The following FCRL6 variants were observed in gnomAD, a reference collection of about 807,000 sequenced individuals.
FCRL6 encodes Fc receptor like 6, also known as Fc receptor-like protein 6.
FCRL6 carries 50 observed loss-of-function variants against 49.1 expected under a neutral mutation model. The observed-to-expected ratio is 1.02, with a 90% CI of 0.81 to 1.29. The LOEUF (loss-of-function observed/expected upper bound fraction) is 1.29, where lower values mean the gene tolerates loss of function less well. Among genes scored for constraint, FCRL6 ranks in the 50% most tolerant of loss-of-function variants. The pLI is 0.00. For synonymous variants in FCRL6, 213 were observed against 199.6 expected (o/e 1.07, Z -0.57); for missense variants, 571 against 518.5 (o/e 1.10, Z -0.98).
intron 5 of FCRL6, 99 bp downstream of exon 5, chr1:159,809,782 G>T: frequency 9.3e-7 from 1 of 1,073,042 alleles, no homozygotes; most frequent in Non-Finnish European, 1.4e-6. Context: ...CACAGTGCTG[G>T]ACTCATGGCA....
intron 4 of FCRL6, 59 bp downstream of exon 4, chr1:159,809,304 C>T (rs1662929547): frequency 3.3e-6 from 5 of 1,526,360 alleles, no homozygotes; most frequent in East Asian, 4.5e-5. Context: ...CAGTGGGATC[C>T]CCTGGGACTA....
upstream of FCRL6, among the ~76,000 whole-genome samples, chr1:159,801,679 C>A (rs148468513): frequency 9.6e-3 from 1,455 of 152,252 alleles, 5 homozygotes; most frequent in Non-Finnish European, 0.014. Flanking sequence ...TGCAGAAATT[C>A]TTATATTTCT....
chr1:159,815,353 G>A (rs1273036643), intron 8 of FCRL6, 75 bp from the exon 9 acceptor site: 2 of 1,524,490 alleles, frequency 1.3e-6, no homozygotes, highest in Admixed American at 1.8e-5. Context: ...AAGATAGCCA[G>A]CCAGGAGGGG....
At chr1:159,807,591 G>A (rs1662778502) in intron 2 of FCRL6, among the ~76,000 whole-genome samples, 1 of 152,232 alleles carries the variant, frequency 6.6e-6, no homozygotes, top group South Asian at 2.1e-4. Context: ...GGTAGAGATG[G>A]AGGCTGGGCC....
intron 6 of FCRL6, among the ~76,000 whole-genome samples, chr1:159,811,982 G>A (rs896611023): frequency 7.9e-5 from 12 of 152,168 alleles, no homozygotes; most frequent in Non-Finnish European, 1.8e-4. Flanking sequence ...AGCCCCAGAC[G>A]AGATGGTGAA....
At chr1:159,810,829 G>GT (rs929484206) in intron 6 of FCRL6, among the ~76,000 whole-genome samples, 1 of 152,206 alleles carries the variant, frequency 6.6e-6, no homozygotes, top group Non-Finnish European at 1.5e-5. Context: ...CCAGTTCACT[G>GT]TAAGACTCAC....
At position 159,809,476 on chromosome 1, in the gene FCRL6, C is replaced by A. The variant is rs560623859; in HGVS notation, c.679C>A (p.Leu227Ile). Residue 227 changes from leucine (L) to isoleucine (I), a missense_variant, in exon 5 of 10, where the codon CTC becomes ATC. Leu to Ile is a conservative substitution (Grantham distance 5). Coordinates refer to ENST00000368106, the MANE Select transcript of FCRL6 (RefSeq NM_001004310.3). ...TGCTGTGGGGGACATGGTGCAGCTC[C>A]TCTGTGAGGCACAGAGGGGCTCCCC... ...DPAVGDMVQL[L>I]CEAQRGSPPI... is the part of the protein sequence containing the mutation. 6.2e-7 allele frequency: 1 copy of A among 1,614,134 alleles called. No homozygotes were observed. The highest frequency in any genetic ancestry group is 8.5e-7 in the Non-Finnish European group (1 of 1,180,008).
chr1:159,814,314 T>C (rs761849107), intron 8 of FCRL6, 22 bp downstream of exon 8: 41 of 1,604,490 alleles, frequency 2.6e-5, no homozygotes, highest in Non-Finnish European at 3.4e-5. Context: ...CAGGCCAAAC[T>C]TGGTACCTTT....
chr1:159,811,585 A>G (rs1203486695), intron 6 of FCRL6, among the ~76,000 whole-genome samples: 2 of 152,158 alleles, frequency 1.3e-5, no homozygotes, highest in Non-Finnish European at 2.9e-5. Context: ...ACTCTGCCTC[A>G]CCAGGTGCCT....
At position 159,809,632 on chromosome 1, in the gene FCRL6, G is replaced by A; in HGVS notation, c.835G>A (p.Glu279Lys). 2 of 1,614,190 alleles carry A rather than the reference G, an allele frequency of 1.2e-6. No individual in the cohort carries two copies. Among genetic ancestry groups the A allele is most frequent in the Non-Finnish European group, 8.5e-7 (1 of 1,180,032 alleles). Residue 279 changes from glutamate to lysine, a missense_variant, in exon 5 of 10, where the codon GAG becomes AAG. Physicochemically the swap from Glu to Lys is moderately conservative, Grantham distance 56. Transcript: ENST00000368106. ...TGCTGGGAACTACTCCTGCGAGGCT[G>A]AGAACAGTGTCTCCAGAGAGAGGAG... ...QDAGNYSCEA[E>K]NSVSRERSEP...
chr1:159,812,244 C>G (rs929281124), intron 6 of FCRL6, among the ~76,000 whole-genome samples: 2 of 152,200 alleles, frequency 1.3e-5, no homozygotes, highest in African/African-American at 2.4e-5. Flanking sequence ...CTTTCAGGAC[C>G]AATTCCTTAG....
At chr1:159,811,368 G>C (rs1296575161) in intron 6 of FCRL6, among the ~76,000 whole-genome samples, 1 of 152,182 alleles carries the variant, frequency 6.6e-6, no homozygotes, top group Non-Finnish European at 1.5e-5. Flanking sequence ...GCTTGTCTAG[G>C]ACAAAAGTGA....
upstream of FCRL6, among the ~76,000 whole-genome samples, chr1:159,801,464 G>T (rs1237933331): frequency 6.6e-6 from 1 of 152,232 alleles, no homozygotes; most frequent in Admixed American, 6.5e-5. Context: ...ACCCAGCTCA[G>T]TCTCAGCTGG....
Position 159,808,252 on chromosome 1 carries a change from A to G in FCRL6, c.127A>G (p.Lys43Glu), listed in dbSNP as rs1662830765. ...CCTGACTCTGCGATGTCAGGGATGG[A>G]AGAATACACCACTGTCTCAGGTGAA... ...DALTLRCQGW[K>E]NTPLSQVKFY... The change falls in exon 3 of 10, where the codon AAG (lysine) becomes GAG (glutamate). Residue 43 changes from lysine to glutamate, a missense_variant. Coordinates refer to ENST00000368106, the MANE Select transcript of FCRL6 (RefSeq NM_001004310.3). 1 of 1,613,340 alleles carries G rather than the reference A, an allele frequency of 6.2e-7. No homozygotes were observed. Among genetic ancestry groups the G allele is most frequent in the Admixed American group, 1.7e-5 (1 of 60,000 alleles).
In FCRL6 at chr1:159,815,580, T is replaced by C. The variant is rs4301626; in HGVS notation, c.1224T>C (p.Ser408=). The change falls in exon 10 of 10, where the codon AGT becomes AGC. Residue 408 remains serine (S), a synonymous_variant. Coordinates refer to ENST00000368106, the MANE Select transcript of FCRL6 (RefSeq NM_001004310.3). The stretch of plus-strand genomic sequence containing the variant: ...CGGAGGTGAGATGCCTGCAGCCCAG[T>C]GAGGTTTCATCCACGGAGGTGAATA... ...ICAEVRCLQP[S]EVSSTEVNMR... is the part of the protein sequence containing the mutation. 0.08 allele frequency: 129,844 copies of C among 1,613,710 alleles called. 10,490 individuals are homozygous for C. Among genetic ancestry groups the C allele is most frequent in the African/African-American group, 0.41 (30,586 of 74,886 alleles).
intron 7 of FCRL6, 99 bp from the exon 8 acceptor site, chr1:159,814,122 C>G: frequency 9.0e-7 from 1 of 1,106,406 alleles, no homozygotes; most frequent in South Asian, 1.3e-5. Flanking sequence ...ATCACCATAA[C>G]AGAGCCCCTG....
chr1:159,809,102 A>T lies in FCRL6; in HGVS notation c.461A>T (p.His154Leu). 6.2e-7 allele frequency: 1 copy of T among 1,614,056 alleles called. No homozygotes were observed. The highest frequency in any genetic ancestry group is 1.1e-5 in the South Asian group (1 of 91,082). Reference protein sequence around the residue: ...RLLFSFHKDGHTLQDRGPHPE... With the variant: ...RLLFSFHKDGLTLQDRGPHPE... Reference sequence around the variant, plus strand: ...CTTTTCTCCTTCCACAAGGACGGCCACACCTTGCAGGACAGGGGCCCTCAC... The same window carrying T: ...CTTTTCTCCTTCCACAAGGACGGCCTCACCTTGCAGGACAGGGGCCCTCAC... The change falls in exon 4 of 10, where the codon CAC becomes CTC. Residue 154 changes from histidine (H) to leucine (L), a missense_variant. His to Leu is a moderately conservative substitution (Grantham distance 99). Coordinates refer to ENST00000368106, the MANE Select transcript of FCRL6 (RefSeq NM_001004310.3).
chr1:159,809,051 A>AC lies in FCRL6; in HGVS notation c.415dup (p.Leu139ProfsTer43), dbSNP rs553092318. 8.7e-6 allele frequency: 14 copies of AC among 1,613,596 alleles called. No individual in the cohort carries two copies. The highest frequency in any genetic ancestry group is 1.3e-5 in the African/African-American group (1 of 74,768). ...ACCCTGAGATGTCAGACAAAGCTGCACCCCCTGAGGTCAGCCTTGAGGCTC... is the reference window on the plus strand; with the variant it reads ...ACCCTGAGATGTCAGACAAAGCTGCACCCCCCTGAGGTCAGCCTTGAGGCTC... On this transcript the variant is annotated frameshift_variant, in exon 4 of 10. Coordinates refer to ENST00000368106, the MANE Select transcript of FCRL6 (RefSeq NM_001004310.3). LOFTEE classifies it high-confidence loss of function.
rs1663368732 is a variant in FCRL6 at position 159,815,706 on chromosome 1, T to C, written c.*45T>C. On this transcript the variant is annotated 3_prime_UTR_variant, in exon 10 of 10. Coordinates refer to ENST00000368106, the MANE Select transcript of FCRL6 (RefSeq NM_001004310.3). ...ACACACGCCCACCCCCAGTCTCCAG[T>C]GCTCCTCAGGAAGACAGTGGGGTCC... 6.2e-7 allele frequency: 1 copy of C among 1,610,572 alleles called. No homozygotes were observed. Among genetic ancestry groups the C allele is most frequent in the South Asian group, 1.1e-5 (1 of 90,780 alleles).
Sources: gnomAD v4.1 joint callset for allele counts (sites outside exome capture counted in the v4.1 genomes callset) on GRCh38, gnomAD v4.1.1 for gene constraint, MANE v1.5 for transcripts, NCBI Gene and HGNC (gene_info 2026-07-23, HGNC 2026-07-21) for gene names.